Variants in LRP11 observed in about 807,000 individuals in gnomAD.
LRP11 encodes low-density lipoprotein receptor-related protein 11.
A neutral mutation model predicts 43.1 loss-of-function variants in LRP11; 25 were observed. The ratio of observed to expected loss-of-function variants is 0.58; its 90% CI spans 0.42 to 0.81. The LOEUF is 0.81. LRP11 is among the 30% of genes least tolerant of loss of function. The pLI, the probability that LRP11 is intolerant of heterozygous loss-of-function variation, is 0.00. For synonymous variants in LRP11, 316 were observed against 299.4 expected (o/e 1.06, Z -0.57); for missense variants, 623 against 665.1 (o/e 0.94, Z 0.70).
At chr6:149,835,466 G>A (rs1437842528) in intron 5 of LRP11, among the ~76,000 whole-genome samples, 1 of 152,062 alleles carries the variant, frequency 6.6e-6, no homozygotes, top group African/African-American at 2.4e-5. Context: ...CAGGCATGGT[G>A]GTCCCAGCTA....
chr6:149,825,528 C>T (rs1776326710), intron 6 of LRP11, among the ~76,000 whole-genome samples: 1 of 152,074 alleles, frequency 6.6e-6, no homozygotes, highest in Non-Finnish European at 1.5e-5. Flanking sequence ...ATTAATTATC[C>T]CATATATTCT....
chr6:149,833,808 G>A lies in LRP11; in HGVS notation c.1252+2277C>T, dbSNP rs537862128. Among the ~76,000 whole-genome samples the A allele has an allele frequency of 3.3e-5, 5 of 152,306 alleles. No individual in the cohort carries two copies. In the East Asian group the frequency reaches 7.7e-4, roughly 24 times the overall value. On this transcript the variant is annotated intron_variant, in intron 5 of 6. Transcript: ENST00000239367. ...CAAAAGGAGAGATCATAAATAGATTGGAAATTGGGTGCTGACTCCCATCAG... is the reference window on the plus strand; with the variant it reads ...CAAAAGGAGAGATCATAAATAGATTAGAAATTGGGTGCTGACTCCCATCAG...
chr6:149,842,607 CG>C, intron 3 of LRP11: 3 of 1,547,170 alleles, frequency 1.9e-6, no homozygotes, highest in Non-Finnish European at 2.6e-6. Flanking sequence ...TCTGCTTCCA[CG>C]AGTTCAACTG....
At chr6:149,824,379 C>G (rs1001352080) in intron 6 of LRP11, among the ~76,000 whole-genome samples, 6 of 152,174 alleles carry the variant, frequency 3.9e-5, no homozygotes, top group African/African-American at 1.2e-4. Flanking sequence ...AAAATGAAAT[C>G]TCCCAAAAGT....
At chr6:149,828,468 T>C (rs1030879707) in intron 5 of LRP11, among the ~76,000 whole-genome samples, 3 of 151,020 alleles carry the variant, frequency 2.0e-5, no homozygotes, top group African/African-American at 7.3e-5. Context: ...GATATCCATA[T>C]TGAAAATATG....
At chr6:149,853,826 A>G (rs1179597693) in intron 1 of LRP11, among the ~76,000 whole-genome samples, 1 of 152,200 alleles carries the variant, frequency 6.6e-6, no homozygotes, top group Non-Finnish European at 1.5e-5. Flanking sequence ...AAAGATTATT[A>G]AAACAAACCT....
intron 2 of LRP11, among the ~76,000 whole-genome samples, chr6:149,850,852 C>G (rs1776708130): frequency 6.6e-6 from 1 of 152,164 alleles, no homozygotes; most frequent in African/African-American, 2.4e-5. Flanking sequence ...ATCTTTTGCC[C>G]ACCTCAAAGT....
At chr6:149,837,783 T>A (rs573823864) in intron 3 of LRP11, among the ~76,000 whole-genome samples, 10 of 152,302 alleles carry the variant, frequency 6.6e-5, no homozygotes, top group South Asian at 2.1e-4. Flanking sequence ...GCTGTCTCCC[T>A]CTTCATTCAT....
At chr6:149,862,328 A>T (rs905100988) in intron 1 of LRP11, among the ~76,000 whole-genome samples, 2 of 152,184 alleles carry the variant, frequency 1.3e-5, no homozygotes. Flanking sequence ...CATCTTGCTG[A>T]TATCATTCGT....
chr6:149,837,135 A>G (rs931083699), intron 4 of LRP11, among the ~76,000 whole-genome samples: 1 of 152,258 alleles, frequency 6.6e-6, no homozygotes, highest in Non-Finnish European at 1.5e-5. Context: ...AATTAAAAAC[A>G]TAAGCAATAC....
chr6:149,842,741 A>T, intron 3 of LRP11: 5 of 1,473,214 alleles, frequency 3.4e-6, no homozygotes, highest in Non-Finnish European at 4.6e-6. Context: ...AGTCAAGAGA[A>T]GCGGGAGCAT....
At chr6:149,835,404 A>G (rs1404777318) in intron 5 of LRP11, among the ~76,000 whole-genome samples, 1 of 152,172 alleles carries the variant, frequency 6.6e-6, no homozygotes, top group African/African-American at 2.4e-5. Flanking sequence ...GTTCAAGACC[A>G]GCCTGGGCAA....
In LRP11 at chr6:149,837,338, G is replaced by A. The variant is rs766888981; in HGVS notation, c.1039C>T (p.Leu347=). The A allele has an allele frequency of 6.2e-6, 10 of 1,613,244 alleles. No individual in the cohort carries two copies. Among genetic ancestry groups the A allele is most frequent in the East Asian group, 2.2e-5 (1 of 44,870 alleles). ...DGSDEDFCQN[L]GLDRKMVTHT... is the part of the protein sequence containing the mutation. ...TAGCAATGTGACATAGCCAACTCAC[G>A]ATTCTGGCAGAAGTCTTCATCAGAC... Residue 347 remains leucine, a splice_region_variant and synonymous_variant, in exon 4 of 7, where the codon CTG becomes TTG. Coordinates refer to ENST00000239367, the MANE Select transcript of LRP11 (RefSeq NM_032832.6).
chr6:149,859,899 T>C (rs973415409), intron 1 of LRP11, among the ~76,000 whole-genome samples: 1 of 152,212 alleles, frequency 6.6e-6, no homozygotes, highest in Non-Finnish European at 1.5e-5. Context: ...GAGTAATCTA[T>C]GGCTTAATTT....
chr6:149,863,359 C>T (rs1388549697), intron 1 of LRP11, 49 bp downstream of exon 1: 1 of 1,303,998 alleles, frequency 7.7e-7, no homozygotes, highest in Non-Finnish European at 9.7e-7. Context: ...GAGGGCGCTG[C>T]GGGTCTCGAG....
intron 3 of LRP11, chr6:149,842,439 AAC>A: frequency 1.7e-6 from 1 of 577,204 alleles, no homozygotes; most frequent in East Asian, 2.9e-5. Flanking sequence ...GCAATTTTGA[AAC>A]AGACAATACA....
chr6:149,862,461 C>T (rs942857122), intron 1 of LRP11, among the ~76,000 whole-genome samples: 10 of 152,288 alleles, frequency 6.6e-5, no homozygotes, highest in African/African-American at 2.2e-4. Context: ...CATTTTTGTG[C>T]CTCCTGTATG....
At chr6:149,850,577 A>G (rs1776704120) in intron 2 of LRP11, among the ~76,000 whole-genome samples, 1 of 152,260 alleles carries the variant, frequency 6.6e-6, no homozygotes, top group African/African-American at 2.4e-5. Flanking sequence ...AGAAGTTGCT[A>G]GGAGATGCAA....
Position 149,863,406 on chromosome 6 carries a change from AC to A in LRP11, c.613+1del. On this transcript the variant is annotated splice_donor_variant, in intron 1 of 6. Transcript: ENST00000239367. LOFTEE classifies it high-confidence loss of function. ...AGGCCGGCCCCTCAGTCGCGCGCTT[AC>A]CCTGCCGGGGCGAGGCGCGCGCGGT... 1.5e-6 allele frequency: 2 copies of A among 1,338,890 alleles called. No individual in the cohort carries two copies. Among genetic ancestry groups the A allele is most frequent in the Non-Finnish European group, 1.9e-6 (2 of 1,053,330 alleles). The allele number at this position is 1,338,890 out of a possible 1,614,324, so 82.9% of individuals were successfully genotyped here. A position where few individuals can be genotyped will look rare whatever the true frequency, so the allele number is the denominator to read the frequency against.
Sources: allele counts gnomAD v4.1 joint callset (sites outside exome capture counted in the v4.1 genomes callset), GRCh38; gene constraint gnomAD v4.1.1; transcripts MANE v1.5; gene names NCBI Gene and HGNC (gene_info 2026-07-23, HGNC 2026-07-21).